The following CEP70 variants were observed in gnomAD, a reference collection of about 807,000 sequenced individuals.
CEP70 encodes centrosomal protein 70, also known as centrosomal protein of 70 kDa.
In CEP70, 70 loss-of-function variants were observed where a neutral mutation model predicts 90.9. The ratio of observed to expected loss-of-function variants is 0.77; its 90% confidence interval spans 0.64 to 0.94. The LOEUF (loss-of-function observed/expected upper bound fraction) is 0.94, where lower values mean the gene tolerates loss of function less well. CEP70 is among the 40% of genes least tolerant of loss of function. The probability of loss-of-function intolerance (pLI) is 0.00; values close to 1 mark genes in which losing one functional copy is unlikely to be tolerated. For synonymous variants in CEP70, 220 were observed against 228.3 expected (o/e 0.96, Z 0.33); for missense variants, 648 against 669.0 (o/e 0.97, Z 0.35).
At position 138,570,407 on chromosome 3, in the gene CEP70, T is replaced by C. The variant is rs771680930; in HGVS notation, c.376A>G (p.Ile126Val). The C allele has an allele frequency of 1.9e-6, 3 of 1,609,744 alleles. No homozygotes were observed. The highest frequency in any genetic ancestry group is 1.3e-5 in the African/African-American group (1 of 74,768). The change falls in exon 6 of 18, where the codon ATT (isoleucine) becomes GTT (valine). Residue 126 changes from isoleucine to valine, a missense_variant. By Grantham distance (29) the Ile-to-Val change is conservative. Transcript: ENST00000264982. ...AGTGATTCATCCTCCAATTCACCAA[T>C]TTTGGATTTCACACTTTCCATAATT... ...EQIMESVKSK[I>V]GELEDESLSR...
intron 6 of CEP70, among the ~76,000 whole-genome samples, chr3:138,565,961 T>G (rs1370698208): frequency 6.6e-6 from 1 of 151,828 alleles, no homozygotes; most frequent in East Asian, 1.9e-4. Context: ...CTACAAAGAA[T>G]TTACACAAAT....
intron 11 of CEP70, among the ~76,000 whole-genome samples, chr3:138,520,472 T>C (rs1006452141): frequency 6.6e-6 from 1 of 152,074 alleles, no homozygotes; most frequent in Non-Finnish European, 1.5e-5. Flanking sequence ...ATAGAAATTA[T>C]AACAAACTGT....
chr3:138,512,816 GGA>G (rs1448775396), intron 11 of CEP70, among the ~76,000 whole-genome samples: 3 of 152,114 alleles, frequency 2.0e-5, no homozygotes, highest in Non-Finnish European at 4.4e-5. Flanking sequence ...GATCCATGCT[GGA>G]GATCAGGAAC....
chr3:138,567,655 C>T (rs2040880937), intron 6 of CEP70, among the ~76,000 whole-genome samples: 1 of 152,162 alleles, frequency 6.6e-6, no homozygotes. Context: ...TACCTTCCCA[C>T]AATTTGCTTC....
At chr3:138,552,728 A>G (rs2039712916) in intron 6 of CEP70, among the ~76,000 whole-genome samples, 1 of 152,208 alleles carries the variant, frequency 6.6e-6, no homozygotes, top group African/African-American at 2.4e-5. Flanking sequence ...AAAGTCTGAA[A>G]GAACACAACT....
intron 2 of CEP70, among the ~76,000 whole-genome samples, chr3:138,584,461 CAAAA>C (rs35985463): frequency 3.3e-5 from 3 of 92,176 alleles, no homozygotes; most frequent in African/African-American, 4.4e-5. Context: ...AAAGACATAT[CAAAA>C]AAAAAAAAAA....
At chr3:138,557,185 T>G (rs551164077) in intron 6 of CEP70, among the ~76,000 whole-genome samples, 8 of 152,336 alleles carry the variant, frequency 5.3e-5, no homozygotes, top group African/African-American at 1.9e-4. Flanking sequence ...AAGAGAAATA[T>G]GGCTCTGTTC....
intron 11 of CEP70, among the ~76,000 whole-genome samples, chr3:138,511,207 C>G (rs2035507263): frequency 6.6e-6 from 1 of 152,186 alleles, no homozygotes; most frequent in Non-Finnish European, 1.5e-5. Flanking sequence ...TCCTTTCTTA[C>G]TTGATTCTAC....
intron 2 of CEP70, among the ~76,000 whole-genome samples, chr3:138,580,531 G>A (rs1329604371): frequency 2.6e-5 from 4 of 152,092 alleles, no homozygotes; most frequent in Admixed American, 2.6e-4. Flanking sequence ...CAAGTCACTG[G>A]AAAGTCTTCC....
At chr3:138,521,201 T>G (rs902523290) in intron 11 of CEP70, among the ~76,000 whole-genome samples, 2 of 151,964 alleles carry the variant, frequency 1.3e-5, no homozygotes, top group African/African-American at 4.8e-5. Flanking sequence ...CCCAAAGTGC[T>G]GAGATTGCAG....
intron 6 of CEP70, among the ~76,000 whole-genome samples, chr3:138,540,797 G>A (rs1050112155): frequency 6.6e-6 from 1 of 152,118 alleles, no homozygotes; most frequent in African/African-American, 2.4e-5. Flanking sequence ...ATGCATGAAT[G>A]TTCACTGCAG....
intron 6 of CEP70, among the ~76,000 whole-genome samples, chr3:138,545,165 T>C (rs900753609): frequency 4.6e-5 from 7 of 152,234 alleles, no homozygotes; most frequent in South Asian, 4.1e-4. Flanking sequence ...AAATATCTCA[T>C]GTAGCATGAA....
intron 10 of CEP70, among the ~76,000 whole-genome samples, chr3:138,527,099 T>C (rs1264236751): frequency 6.6e-6 from 1 of 152,094 alleles, no homozygotes; most frequent in Non-Finnish European, 1.5e-5. Context: ...AAATCAGTGG[T>C]TGTCTCAGGG....
At chr3:138,513,627 T>G (rs2035732837) in intron 11 of CEP70, among the ~76,000 whole-genome samples, 1 of 152,188 alleles carries the variant, frequency 6.6e-6, no homozygotes, top group South Asian at 2.1e-4. Context: ...GGCCTCTTGT[T>G]TATCCTATAG....
At chr3:138,581,327 T>C (rs2041844710) in intron 2 of CEP70, among the ~76,000 whole-genome samples, 1 of 150,502 alleles carries the variant, frequency 6.6e-6, no homozygotes, top group Non-Finnish European at 1.5e-5. Flanking sequence ...GAATCATGCC[T>C]ATAAGATCTA....
At chr3:138,533,246 A>G (rs571992783) in intron 7 of CEP70, among the ~76,000 whole-genome samples, 42 of 152,016 alleles carry the variant, frequency 2.8e-4, no homozygotes, top group African/African-American at 9.2e-4. Context: ...GCACCACTGC[A>G]CTACAGCCTG....
rs138742628 is a variant in CEP70, at chr3:138,550,161, C to A, written c.466-12814G>T. Among the ~76,000 whole-genome samples, 1,055 of 152,192 alleles carry A rather than the reference C, an allele frequency of 6.9e-3. 11 individuals carry two copies. Among genetic ancestry groups the A allele is most frequent in the African/African-American group, 0.024 (983 of 41,512 alleles). ...TATGACAAAACAAGGCTCTTTAACA[C>A]TCCCCAAAAATTACACTAGCTCACC... On this transcript the variant is annotated intron_variant, in intron 6 of 17. Coordinates refer to ENST00000264982, the MANE Select transcript of CEP70 (RefSeq NM_024491.4).
chr3:138,523,482 T>C (rs1192048682), intron 11 of CEP70, among the ~76,000 whole-genome samples: 1 of 152,082 alleles, frequency 6.6e-6, no homozygotes. Context: ...AACCCCATTG[T>C]CTCAGCCCAA....
chr3:138,571,784 T>C (rs1007555593), intron 3 of CEP70, among the ~76,000 whole-genome samples: 1 of 152,168 alleles, frequency 6.6e-6, no homozygotes, highest in Non-Finnish European at 1.5e-5. Context: ...CACTTTCTTT[T>C]TTCTTTCTTT....
Sources: gnomAD v4.1 joint callset for allele counts (sites outside exome capture counted in the v4.1 genomes callset) on GRCh38, gnomAD v4.1.1 for gene constraint, MANE v1.5 for transcripts, NCBI Gene and HGNC (gene_info 2026-07-23, HGNC 2026-07-21) for gene names.